NUBPL: variants seen among roughly 807,000 people sequenced by gnomAD.
NUBPL encodes NUBP iron-sulfur cluster assembly factor, mitochondrial.
Under a neutral mutation model 45.7 loss-of-function variants are expected in NUBPL, and 31 were observed. That is an observed-to-expected ratio of 0.68 (90% CI 0.51 to 0.92). NUBPL has a LOEUF of 0.92. NUBPL is among the 40% of genes least tolerant of loss of function. The pLI is 0.00. For missense variants in NUBPL, 401 were observed against 398.7 expected (o/e 1.01, Z -0.05); for synonymous variants, 144 against 140.9 (o/e 1.02, Z -0.15).
At chr14:31,659,713 T>C (rs1164186963) in intron 4 of NUBPL, among the ~76,000 whole-genome samples, 1 of 152,178 alleles carries the variant, frequency 6.6e-6, no homozygotes, top group African/African-American at 2.4e-5. Context: ...TTCCCATTTA[T>C]ATTCTAGTGA....
intron 7 of NUBPL, among the ~76,000 whole-genome samples, chr14:31,816,884 G>T (rs2039928756): frequency 6.6e-6 from 1 of 152,010 alleles, no homozygotes; most frequent in South Asian, 2.1e-4. Flanking sequence ...ATTGCACTGT[G>T]GTCTGAGAGA....
At chr14:31,602,815 A>G (rs916877943) in intron 4 of NUBPL, among the ~76,000 whole-genome samples, 5 of 152,194 alleles carry the variant, frequency 3.3e-5, no homozygotes, top group Non-Finnish European at 5.9e-5. Flanking sequence ...GAAAAGATGA[A>G]AATTATTTTC....
chr14:31,671,122 T>A (rs1025354157), intron 4 of NUBPL, among the ~76,000 whole-genome samples: 10 of 152,218 alleles, frequency 6.6e-5, no homozygotes, highest in Non-Finnish European at 1.0e-4. Flanking sequence ...TGTTTCTCCA[T>A]TTATTTGTCT....
intron 6 of NUBPL, among the ~76,000 whole-genome samples, chr14:31,677,226 A>G (rs1176202390): frequency 6.6e-6 from 1 of 152,112 alleles, no homozygotes; most frequent in Non-Finnish European, 1.5e-5. Context: ...TGTACCATCA[A>G]ATTATTTTTT....
chr14:31,597,059 G>T (rs1268410014), intron 3 of NUBPL, among the ~76,000 whole-genome samples: 2 of 152,036 alleles, frequency 1.3e-5, no homozygotes, highest in African/African-American at 4.8e-5. Flanking sequence ...CCTTTATCCT[G>T]TTCTTCCTCC....
At chr14:31,779,395 A>T (rs2039153360) in intron 6 of NUBPL, among the ~76,000 whole-genome samples, 1 of 152,100 alleles carries the variant, frequency 6.6e-6, no homozygotes, top group African/African-American at 2.4e-5. Flanking sequence ...CTGGCTTATG[A>T]TGTGACTTGA....
In NUBPL at chr14:31,810,023, A is replaced by T. The variant is rs370224712; in HGVS notation, c.608-16606A>T. Among the ~76,000 whole-genome samples, 2 of 152,040 alleles carry T rather than the reference A, an allele frequency of 1.3e-5. 1 individual carries two copies. The stretch of plus-strand genomic sequence containing the variant: ...CTGTTCTTTTACATTTGCTGAGGAG[A>T]GCTTTACTTCCAACTATGTGGTCAA... On this transcript the variant is annotated intron_variant, in intron 7 of 10. Transcript: ENST00000281081.
intron 6 of NUBPL, among the ~76,000 whole-genome samples, chr14:31,710,573 C>T (rs6571455): frequency 0.16 from 24,032 of 152,140 alleles, 5,421 homozygotes; most frequent in African/African-American, 0.5. Flanking sequence ...GATTTAGTGG[C>T]TGTTACAGAC....
rs908977939 is a variant in NUBPL, at chr14:31,822,079, CA to C, written c.608-4541del. Among the ~76,000 whole-genome samples the C allele has an allele frequency of 1.0e-4, 15 of 149,072 alleles. No individual in the cohort carries two copies. The East Asian group carries it at 1.6e-3, about 16-fold the overall frequency. On this transcript the variant is annotated intron_variant, in intron 7 of 10. Transcript: ENST00000281081. ...AGGAGATGGCAGTGGCTAATGGGTA[CA>C]AAAAAAAATATTTAGAAAGAATGAA...
chr14:31,639,378 C>T lies in NUBPL; in HGVS notation c.383-33977C>T, dbSNP rs186365879. Among the ~76,000 whole-genome samples the T allele has an allele frequency of 2.8e-3, 425 of 152,270 alleles. 2 individuals are homozygous for T. Among genetic ancestry groups the T allele is most frequent in the African/African-American group, 9.1e-3 (377 of 41,562 alleles). On this transcript the variant is annotated intron_variant, in intron 4 of 10. Coordinates refer to ENST00000281081, the MANE Select transcript of NUBPL (RefSeq NM_025152.3). ...ACTCTGTTTGCCTGGATATCAGCAG[C>T]GGTGGCTGCAGAACAGCGGATTTCG...
At chr14:31,591,043 A>C (rs1435858016) in intron 3 of NUBPL, among the ~76,000 whole-genome samples, 7 of 152,172 alleles carry the variant, frequency 4.6e-5, no homozygotes, top group Admixed American at 4.6e-4. Context: ...CGGAAAGAAA[A>C]ACAAACCCAG....
intron 6 of NUBPL, among the ~76,000 whole-genome samples, chr14:31,737,812 T>A (rs1026322840): frequency 1.3e-5 from 2 of 152,184 alleles, no homozygotes; most frequent in Non-Finnish European, 2.9e-5. Flanking sequence ...TTATTTCTGT[T>A]CATGGTAGTC....
chr14:31,576,515 C>T (rs1178838167), intron 3 of NUBPL, among the ~76,000 whole-genome samples: 1 of 152,184 alleles, frequency 6.6e-6, no homozygotes, highest in East Asian at 1.9e-4. Flanking sequence ...CCTCCTTTAG[C>T]CTCACAAAGT....
chr14:31,838,857 C>T (rs1183889415), intron 8 of NUBPL, among the ~76,000 whole-genome samples: 1 of 152,100 alleles, frequency 6.6e-6, no homozygotes, highest in Non-Finnish European at 1.5e-5. Flanking sequence ...AGCCACATTT[C>T]AAGTATCCAG....
intron 3 of NUBPL, among the ~76,000 whole-genome samples, chr14:31,574,602 T>G (rs112253541): frequency 1.5e-4 from 21 of 144,168 alleles, no homozygotes; most frequent in Non-Finnish European, 2.7e-4. Context: ...TTTTTTTTTT[T>G]TTTGGAGAGA....
chr14:31,851,902 T>G (rs559532100), intron 10 of NUBPL, among the ~76,000 whole-genome samples: 130 of 152,368 alleles, frequency 8.5e-4, no homozygotes, highest in Middle Eastern at 3.4e-3. Flanking sequence ...TCATTATTTT[T>G]TCTTTGAAAT....
At chr14:31,822,110 A>T (rs2138951880) in intron 7 of NUBPL, among the ~76,000 whole-genome samples, 1 of 152,152 alleles carries the variant, frequency 6.6e-6, no homozygotes, top group East Asian at 1.9e-4. Flanking sequence ...AATGAATAAG[A>T]CCTAGTATTT....
chr14:31,665,633 G>A (rs988363510), intron 4 of NUBPL, among the ~76,000 whole-genome samples: 1 of 152,194 alleles, frequency 6.6e-6, no homozygotes, highest in African/African-American at 2.4e-5. Context: ...ATTTGGCAAG[G>A]AGTGTTTTAC....
chr14:31,806,091 A>G (rs2039680063), intron 7 of NUBPL, among the ~76,000 whole-genome samples: 2 of 152,208 alleles, frequency 1.3e-5, no homozygotes, highest in African/African-American at 4.8e-5. Flanking sequence ...CAGTTTAAAA[A>G]GTTGTGCACT....
Sources: gnomAD v4.1 joint callset for allele counts (sites outside exome capture counted in the v4.1 genomes callset) on GRCh38, gnomAD v4.1.1 for gene constraint, MANE v1.5 for transcripts, NCBI Gene and HGNC (gene_info 2026-07-23, HGNC 2026-07-21) for gene names.